QKI: variants seen among roughly 807,000 people sequenced by gnomAD.
The protein encoded by QKI is QKI, KH domain containing RNA binding.
QKI carries 10 observed loss-of-function variants against 39.0 expected under a neutral mutation model. That is an observed-to-expected ratio of 0.26 (90% CI 0.16 to 0.43). QKI has a LOEUF of 0.43. QKI is among the 20% of genes least tolerant of loss of function. The pLI, the probability that QKI is intolerant of heterozygous loss-of-function variation, is 1.00. For missense variants in QKI, 218 were observed against 428.0 expected, an observed-to-expected ratio of 0.51 and a Z score of 4.33; for synonymous variants, 204 against 155.4, an observed-to-expected ratio of 1.31 and a Z score of -2.33.
intron 1 of QKI, among the ~76,000 whole-genome samples, chr6:163,439,959 C>G (rs953265212): frequency 1.4e-4 from 21 of 152,230 alleles, no homozygotes; most frequent in African/African-American, 4.8e-4. Context: ...CTAGAATAAT[C>G]TTAGAAGTCC....
intron 3 of QKI, among the ~76,000 whole-genome samples, chr6:163,501,330 A>G (rs1173728367): frequency 2.0e-5 from 3 of 151,232 alleles, no homozygotes; most frequent in Non-Finnish European, 4.4e-5. Context: ...ATTTTTTTAG[A>G]CAATAGTTGT....
At chr6:163,439,230 A>G (rs1789546909) in intron 1 of QKI, among the ~76,000 whole-genome samples, 2 of 152,126 alleles carry the variant, frequency 1.3e-5, no homozygotes, top group Admixed American at 6.6e-5. Flanking sequence ...CAGATTCTTG[A>G]GCATGTATTA....
chr6:163,569,867 T>C, intron 7 of QKI: 1 of 988,464 alleles, frequency 1.0e-6, no homozygotes. Context: ...TATTTTTTGA[T>C]GTACTTAGAG....
chr6:163,427,243 CTTT>C lies in QKI; in HGVS notation c.142+11928_142+11930del, dbSNP rs11375326. ...GTTACTGTTAATTTTATACTCGTAC[CTTT>C]TTTTTTTTTTTTTTTTTTTGCTGGC... is the stretch of plus-strand genomic sequence containing the variant. On this transcript the variant is annotated intron_variant, in intron 1 of 7. Coordinates refer to ENST00000361752, the MANE Select transcript of QKI (RefSeq NM_006775.3). 6.6e-3 allele frequency among the ~76,000 whole-genome samples: 563 copies of C among 85,792 alleles called. 8 individuals are homozygous for C. The highest frequency in any genetic ancestry group is 0.05 in the Admixed American group (401 of 8,036). The allele number at this position is 85,792 out of a possible 152,430, so 56.3% of individuals were successfully genotyped here.
At chr6:163,558,689 A>G (rs1169506429) in intron 4 of QKI, among the ~76,000 whole-genome samples, 1 of 151,926 alleles carries the variant, frequency 6.6e-6, no homozygotes, top group Non-Finnish European at 1.5e-5. Flanking sequence ...GTGAGCCACC[A>G]CACCCGGCCA....
chr6:163,539,492 G>T (rs1484288104), intron 4 of QKI, among the ~76,000 whole-genome samples: 5 of 152,180 alleles, frequency 3.3e-5, no homozygotes, highest in East Asian at 3.9e-4. Context: ...CAGTGATCGT[G>T]TCTTCCACTC....
intron 3 of QKI, among the ~76,000 whole-genome samples, chr6:163,516,554 A>T (rs1212967408): frequency 6.6e-6 from 1 of 152,152 alleles, no homozygotes; most frequent in Non-Finnish European, 1.5e-5. Flanking sequence ...TGGCCTCCGA[A>T]AGTGCTGGGA....
chr6:163,541,367 A>G (rs2128243044), intron 4 of QKI, among the ~76,000 whole-genome samples: 1 of 152,180 alleles, frequency 6.6e-6, no homozygotes, highest in Non-Finnish European at 1.5e-5. Context: ...CTAGCCCAGC[A>G]TATGGTCTGT....
At chr6:163,556,802 C>T (rs553424617) in intron 4 of QKI, among the ~76,000 whole-genome samples, 1 of 152,134 alleles carries the variant, frequency 6.6e-6, no homozygotes, top group East Asian at 1.9e-4. Flanking sequence ...CTGAAATTCT[C>T]AAGGCACTTC....
intron 7 of QKI, chr6:163,568,877 T>C: frequency 2.0e-6 from 2 of 985,842 alleles, no homozygotes. Context: ...TGGTCTTGCA[T>C]GGTGACACAC....
At chr6:163,442,265 A>G (rs776661162) in intron 1 of QKI, among the ~76,000 whole-genome samples, 4 of 152,210 alleles carry the variant, frequency 2.6e-5, no homozygotes, top group Non-Finnish European at 4.4e-5. Context: ...TTTTTGGTTA[A>G]TATATAATAA....
At chr6:163,533,660 C>T (rs936291058) in intron 3 of QKI, among the ~76,000 whole-genome samples, 2 of 152,146 alleles carry the variant, frequency 1.3e-5, no homozygotes, top group Non-Finnish European at 2.9e-5. Flanking sequence ...TTGAAACAGT[C>T]AGATATTCTG....
chr6:163,458,231 T>G (rs940110410), intron 2 of QKI, among the ~76,000 whole-genome samples: 3 of 152,222 alleles, frequency 2.0e-5, no homozygotes, highest in Non-Finnish European at 2.9e-5. Flanking sequence ...TGATGATGTT[T>G]TGTGACTTTA....
intron 3 of QKI, among the ~76,000 whole-genome samples, chr6:163,520,081 AT>A (rs1277678551): frequency 2.0e-5 from 3 of 152,174 alleles, no homozygotes; most frequent in Admixed American, 2.0e-4. Context: ...TTTTGATTCT[AT>A]AGTTATATGG....
At chr6:163,552,735 T>G (rs1362332358) in intron 4 of QKI, among the ~76,000 whole-genome samples, 1 of 152,158 alleles carries the variant, frequency 6.6e-6, no homozygotes, top group Non-Finnish European at 1.5e-5. Context: ...CTGTTGTGAT[T>G]ATTTCCCTAG....
At chr6:163,529,538 GAAAT>G (rs769305080) in intron 3 of QKI, among the ~76,000 whole-genome samples, 23 of 152,096 alleles carry the variant, frequency 1.5e-4, no homozygotes, top group Non-Finnish European at 1.8e-4. Context: ...AGAAAAAAAA[GAAAT>G]AAAAGTAAAT....
rs991718758 is a variant in QKI, at chr6:163,553,046, C to CT, written c.547-8924dup. The stretch of plus-strand genomic sequence containing the variant: ...TTTAGATAGTCATAATTTTCAGGTT[C>CT]TTTTTTTTTTTTAATTTTTATTTAT... On this transcript the variant is annotated intron_variant, in intron 4 of 7. Coordinates refer to ENST00000361752, the MANE Select transcript of QKI (RefSeq NM_006775.3). Among the ~76,000 whole-genome samples the CT allele has an allele frequency of 9.1e-3, 1,230 of 135,096 alleles. 7 individuals are homozygous for CT. Among genetic ancestry groups the CT allele is most frequent in the Non-Finnish European group, 0.011 (678 of 61,568 alleles). The allele number at this position is 135,096 out of a possible 152,430, so 88.6% of individuals were successfully genotyped here.
rs77841400 is a variant in QKI at position 163,557,957 on chromosome 6, G to A, written c.547-4025G>A. Among the ~76,000 whole-genome samples, 451 of 152,286 alleles carry A rather than the reference G, an allele frequency of 3.0e-3. 21 individuals carry two copies. In the East Asian group the frequency reaches 0.081, roughly 27 times the overall value. ...TTAGGAAACCAGAAGCTATGAGATT[G>A]CGGATAATCACTTGAGTTCAGTATT... On this transcript the variant is annotated intron_variant, in intron 4 of 7. Coordinates refer to ENST00000361752, the MANE Select transcript of QKI (RefSeq NM_006775.3).
At chr6:163,515,844 A>G (rs1297473245) in intron 3 of QKI, among the ~76,000 whole-genome samples, 2 of 152,192 alleles carry the variant, frequency 1.3e-5, no homozygotes, top group Admixed American at 6.5e-5. Flanking sequence ...AAGATACAAA[A>G]TAAGTCCAGC....
Sources: allele counts gnomAD v4.1 joint callset (sites outside exome capture counted in the v4.1 genomes callset), GRCh38; gene constraint gnomAD v4.1.1; transcripts MANE v1.5; gene names NCBI Gene and HGNC (gene_info 2026-07-23, HGNC 2026-07-21).